The following TLE1 variants were observed in gnomAD, a reference collection of about 807,000 sequenced individuals.
TLE1 encodes TLE family member 1, transcriptional corepressor.
Under a neutral mutation model 89.8 loss-of-function variants are expected in TLE1, and 21 were observed. The observed-to-expected ratio is 0.23, with a 90% CI of 0.17 to 0.34. TLE1 has a LOEUF of 0.34. TLE1 is among the 10% of genes least tolerant of loss of function. TLE1 has a pLI of 1.00. For synonymous variants in TLE1, 447 were observed against 407.6 expected, an observed-to-expected ratio of 1.10 and a Z score of -1.16; for missense variants, 795 against 1,031.2, an observed-to-expected ratio of 0.77 and a Z score of 3.14.
chr9:81,645,904 AAC>A (rs1828801970), intron 6 of TLE1, among the ~76,000 whole-genome samples: 1 of 152,228 alleles, frequency 6.6e-6, no homozygotes, highest in Non-Finnish European at 1.5e-5. Flanking sequence ...AAAATTTAAA[AAC>A]ACACAGGTGT....
intron 13 of TLE1, among the ~76,000 whole-genome samples, chr9:81,611,107 C>T (rs1196583196): frequency 6.6e-6 from 1 of 152,160 alleles, no homozygotes; most frequent in African/African-American, 2.4e-5. Flanking sequence ...ACTTTATACC[C>T]TTAATGCAAT....
At chr9:81,625,915 A>AAAAG (rs1825845804) in intron 8 of TLE1, among the ~76,000 whole-genome samples, 1 of 146,670 alleles carries the variant, frequency 6.8e-6, no homozygotes, top group Non-Finnish European at 1.5e-5. Context: ...AACTACTAAA[A>AAAAG]AAAAAAAAAA....
At chr9:81,666,485 A>G (rs568890625) in intron 4 of TLE1, among the ~76,000 whole-genome samples, 2 of 152,294 alleles carry the variant, frequency 1.3e-5, no homozygotes, top group East Asian at 3.9e-4. Context: ...AAACTAAAAT[A>G]TGCCTGTGTA....
intron 4 of TLE1, among the ~76,000 whole-genome samples, chr9:81,664,856 G>T (rs73647845): frequency 6.6e-6 from 1 of 152,158 alleles, no homozygotes; most frequent in Admixed American, 6.5e-5. Context: ...GTTCCTGTTG[G>T]AGTCTAGGCC....
rs548795090 is a variant in TLE1 at position 81,622,241 on chromosome 9, CTG to C, written c.595-1686_595-1685del. Among the ~76,000 whole-genome samples, 65 of 152,332 alleles carry C rather than the reference CTG, an allele frequency of 4.3e-4. No individual in the cohort carries two copies. The East Asian group carries it at 9.9e-3, about 23-fold the overall frequency. ...GCCCCGAGGTCTCCTCCTCCAGACT[CTG>C]TGCAGCATCCACGGCAGGGCTGTAT... On this transcript the variant is annotated intron_variant, in intron 8 of 19. Coordinates refer to ENST00000376499, the MANE Select transcript of TLE1 (RefSeq NM_005077.5).
intron 2 of TLE1, 38 bp downstream of exon 2, chr9:81,687,296 C>T: frequency 1.3e-6 from 2 of 1,560,102 alleles, no homozygotes; most frequent in Non-Finnish European, 1.7e-6. Flanking sequence ...GGCACCGGGA[C>T]GCCCGCGACC....
At chr9:81,614,168 A>G (rs1327246968) in intron 11 of TLE1, among the ~76,000 whole-genome samples, 4 of 152,012 alleles carry the variant, frequency 2.6e-5, no homozygotes, top group Admixed American at 1.3e-4. Flanking sequence ...TTGGCCTCCC[A>G]AAGTGCTGGG....
chr9:81,667,717 TCC>T (rs10577556), intron 4 of TLE1, among the ~76,000 whole-genome samples: 25,320 of 151,482 alleles, frequency 0.17, 3,055 homozygotes, highest in East Asian at 0.48. Context: ...GTATTCCTGC[TCC>T]CCCCCAAGCT....
intron 9 of TLE1, among the ~76,000 whole-genome samples, chr9:81,616,975 G>A (rs1824600919): frequency 1.3e-5 from 2 of 152,136 alleles, no homozygotes; most frequent in Non-Finnish European, 2.9e-5. Flanking sequence ...ATGGCAAGTT[G>A]CAAATACTTG....
chr9:81,664,552 G>A (rs186017622), intron 4 of TLE1, among the ~76,000 whole-genome samples: 241 of 152,196 alleles, frequency 1.6e-3, no homozygotes, highest in African/African-American at 5.4e-3. Flanking sequence ...CACATTTTGG[G>A]GAAATCCAAA....
rs753675090 is a variant in TLE1 at position 81,613,417 on chromosome 9, G to C, written c.1023C>G (p.Leu341=). The change falls in exon 12 of 20, where the codon CTC becomes CTG. Residue 341 remains leucine, a synonymous_variant. Transcript: ENST00000376499. ...TSATPGLRPG[L]GKPPAIDPLV... is the part of the protein sequence containing the mutation. The stretch of plus-strand genomic sequence containing the variant: ...GGGGGTCTATGGCTGGAGGCTTGCC[G>C]AGACCTGGACGGAGGCCTGGAGTGG... 1 of 1,614,110 alleles carries C rather than the reference G, an allele frequency of 6.2e-7. No individual in the cohort carries two copies. The highest frequency in any genetic ancestry group is 1.7e-5 in the Admixed American group (1 of 60,022).
intron 13 of TLE1, 100 bp downstream of exon 13, chr9:81,611,669 T>C: frequency 8.3e-7 from 1 of 1,199,392 alleles, no homozygotes; most frequent in East Asian, 3.2e-5. Context: ...TGGCTGCTCC[T>C]GCCCACGCAG....
intron 9 of TLE1, 68 bp from the exon 10 acceptor site, chr9:81,616,767 C>T: frequency 1.3e-6 from 2 of 1,576,362 alleles, no homozygotes; most frequent in Non-Finnish European, 1.7e-6. Context: ...AGTTAGATTT[C>T]TTTCTATAGT....
At chr9:81,609,508 A>G (rs1181650564) in intron 14 of TLE1, among the ~76,000 whole-genome samples, 1 of 152,366 alleles carries the variant, frequency 6.6e-6, no homozygotes, top group East Asian at 1.9e-4. Flanking sequence ...CACACTTCTA[A>G]TTACTAACAT....
intron 16 of TLE1, 94 bp from the exon 17 acceptor site, chr9:81,587,922 G>GGGTGTCATCCCGCC: frequency 9.9e-7 from 1 of 1,014,474 alleles, no homozygotes; most frequent in Non-Finnish European, 1.4e-6. Flanking sequence ...GTGTGTGTGT[G>GGGTGTCATCCCGCC]TGTGTGTGTG....
At chr9:81,639,019 C>T (rs1827759567) in intron 6 of TLE1, among the ~76,000 whole-genome samples, 1 of 152,066 alleles carries the variant, frequency 6.6e-6, no homozygotes, top group Admixed American at 6.6e-5. Context: ...AATGCCTGGG[C>T]TCAAGCAATC....
chr9:81,622,570 CTG>C (rs1360526870), intron 8 of TLE1, among the ~76,000 whole-genome samples: 1 of 152,200 alleles, frequency 6.6e-6, no homozygotes, highest in Admixed American at 6.5e-5. Flanking sequence ...ACCTTTAAGA[CTG>C]TCAAGCTTTG....
chr9:81,632,473 CCCTTTTTTT>C (rs1826780939), intron 8 of TLE1, among the ~76,000 whole-genome samples: 1 of 49,928 alleles, frequency 2.0e-5, no homozygotes, highest in South Asian at 1.5e-3. Context: ...TGTTCAGTAT[CCCTTTTTTT>C]TTTTTTTTTT....
intron 2 of TLE1, among the ~76,000 whole-genome samples, chr9:81,686,119 G>A (rs1310376069): frequency 6.6e-6 from 1 of 152,156 alleles, no homozygotes; most frequent in Non-Finnish European, 1.5e-5. Context: ...GTGCCTATCT[G>A]GTTAGATGAC....
Sources: gnomAD v4.1 joint callset for allele counts (sites outside exome capture counted in the v4.1 genomes callset) on GRCh38, gnomAD v4.1.1 for gene constraint, MANE v1.5 for transcripts, NCBI Gene and HGNC (gene_info 2026-07-23, HGNC 2026-07-21) for gene names.